RBFOX1: variants seen among roughly 807,000 people sequenced by gnomAD.
RBFOX1 encodes the protein RNA binding fox-1 homolog 1.
A neutral mutation model predicts 57.7 loss-of-function variants in RBFOX1; 8 were observed. That is an observed-to-expected ratio of 0.14 (90% confidence interval 0.08 to 0.25). The LOEUF is 0.25. Ranked by LOEUF, RBFOX1 falls within the 10% of genes least tolerant of loss-of-function variation. The pLI, the probability that RBFOX1 is intolerant of heterozygous loss-of-function variation, is 1.00. For synonymous variants in RBFOX1, 326 were observed against 222.4 expected (o/e 1.47, Z -4.15); for missense variants, 611 against 548.5 (o/e 1.11, Z -1.14).
At chr16:6,789,592 T>G (rs923201056) in intron 3 of RBFOX1, among the ~76,000 whole-genome samples, 2 of 152,184 alleles carry the variant, frequency 1.3e-5, no homozygotes, top group African/African-American at 4.8e-5. Context: ...TGGGGACTGT[T>G]TGACTCAGTG....
intron 2 of RBFOX1, among the ~76,000 whole-genome samples, chr16:6,579,372 T>G (rs564134077): frequency 1.3e-5 from 2 of 152,024 alleles, no homozygotes; most frequent in Non-Finnish European, 2.9e-5. Flanking sequence ...CCTGGTGATA[T>G]GGTTTGGCTT....
At chr16:5,870,348 A>G (rs993039526) in intron 4 of RBFOX1, among the ~76,000 whole-genome samples, 1 of 146,138 alleles carries the variant, frequency 6.8e-6, no homozygotes, top group Non-Finnish European at 1.5e-5. Flanking sequence ...AAACGTGTGC[A>G]TCTTACAGGT....
At chr16:5,246,752 C>A (rs990710104) in intron 1 of RBFOX1, among the ~76,000 whole-genome samples, 2 of 151,776 alleles carry the variant, frequency 1.3e-5, no homozygotes, top group East Asian at 3.9e-4. Flanking sequence ...CTGACTGCAG[C>A]CTTGGCCTCC....
At chr16:7,461,829 T>G (rs1259662383) in intron 4 of RBFOX1, among the ~76,000 whole-genome samples, 2 of 151,748 alleles carry the variant, frequency 1.3e-5, no homozygotes, top group Non-Finnish European at 2.9e-5. Context: ...TAGCGACTTC[T>G]GGGATGTGAG....
intron 3 of RBFOX1, among the ~76,000 whole-genome samples, chr16:6,919,189 G>A (rs1489251256): frequency 1.3e-5 from 2 of 151,952 alleles, no homozygotes; most frequent in Admixed American, 6.6e-5. Context: ...CACCATGTTG[G>A]CCAGGCTGGT....
chr16:7,702,464 G>A (rs535856796), intron 14 of RBFOX1, among the ~76,000 whole-genome samples: 1 of 152,164 alleles, frequency 6.6e-6, no homozygotes, highest in Non-Finnish European at 1.5e-5. Flanking sequence ...CTGTTTTGCT[G>A]CATTTTCATT....
intron 4 of RBFOX1, among the ~76,000 whole-genome samples, chr16:7,078,681 AT>A (rs201913091): frequency 0.01 from 1,489 of 143,434 alleles, 31 homozygotes; most frequent in African/African-American, 0.036. Flanking sequence ...TATTTTATTT[AT>A]TTTATTTTAT....
intron 3 of RBFOX1, among the ~76,000 whole-genome samples, chr16:6,838,040 C>A (rs938946394): frequency 1.3e-5 from 2 of 151,242 alleles, no homozygotes; most frequent in Non-Finnish European, 2.9e-5. Context: ...CTTTAAGTTC[C>A]GGGATGCATG....
At chr16:5,519,046 G>A (rs529847461) in intron 2 of RBFOX1, among the ~76,000 whole-genome samples, 54 of 152,296 alleles carry the variant, frequency 3.5e-4, no homozygotes, top group African/African-American at 1.2e-3. Context: ...AAGGAGAACT[G>A]TGTGGCACAG....
chr16:6,488,153 G>C (rs1384113411), intron 2 of RBFOX1, among the ~76,000 whole-genome samples: 1 of 152,122 alleles, frequency 6.6e-6, no homozygotes, highest in Non-Finnish European at 1.5e-5. Context: ...TATGAGGAAG[G>C]CCTCTGCCAG....
chr16:7,120,525 A>G (rs12928703), intron 4 of RBFOX1, among the ~76,000 whole-genome samples: 97,507 of 151,540 alleles, frequency 0.64, 31,709 homozygotes, highest in East Asian at 0.87. Context: ...CATGTAGTCA[A>G]CAACTTACAT....
intron 2 of RBFOX1, among the ~76,000 whole-genome samples, chr16:6,613,501 G>C (rs1567885875): frequency 6.6e-6 from 1 of 151,990 alleles, no homozygotes; most frequent in African/African-American, 2.4e-5. Context: ...ATATAGATTA[G>C]CATCACTTAC....
intron 4 of RBFOX1, among the ~76,000 whole-genome samples, chr16:7,488,036 C>T (rs527752486): frequency 2.0e-5 from 3 of 152,148 alleles, no homozygotes; most frequent in South Asian, 2.1e-4. Context: ...GGGGGCACCT[C>T]GGCGGAAGTA....
At chr16:5,992,113 A>T (rs2060410275) in intron 4 of RBFOX1, among the ~76,000 whole-genome samples, 1 of 152,184 alleles carries the variant, frequency 6.6e-6, no homozygotes, top group African/African-American at 2.4e-5. Flanking sequence ...GATCTTTGGG[A>T]ATTGAATTAG....
rs546145445 is a variant in RBFOX1, at chr16:7,050,017, A to G, written c.-15-2040A>G. 1.2e-3 allele frequency among the ~76,000 whole-genome samples: 183 copies of G among 152,264 alleles called. 2 individuals carry two copies. Among genetic ancestry groups the G allele is most frequent in the East Asian group, 1.5e-3 (8 of 5,180 alleles). On this transcript the variant is annotated intron_variant, in intron 3 of 15. Coordinates refer to ENST00000550418, the MANE Select transcript of RBFOX1 (RefSeq NM_018723.4). The stretch of plus-strand genomic sequence containing the variant: ...ATTAAGCAGTCACTCCTCCTTTTCC[A>G]TTAACCCAGTCCTCTGGCAACATTT...
chr16:6,933,416 A>T (rs1307968663), intron 3 of RBFOX1, among the ~76,000 whole-genome samples: 1 of 152,216 alleles, frequency 6.6e-6, no homozygotes, highest in Non-Finnish European at 1.5e-5. Context: ...AATTTTCAGA[A>T]ATAATGGCCA....
At chr16:5,977,723 C>G (rs1230160337) in intron 4 of RBFOX1, among the ~76,000 whole-genome samples, 2 of 152,032 alleles carry the variant, frequency 1.3e-5, no homozygotes, top group Non-Finnish European at 2.9e-5. Flanking sequence ...GAAGAGTGCT[C>G]CAATCCAAAG....
rs145719466 is a variant in RBFOX1 at position 6,660,521 on chromosome 16, C to G, written c.-16+5871C>G. Among the ~76,000 whole-genome samples, 1,079 of 152,288 alleles carry G rather than the reference C, an allele frequency of 7.1e-3. 2 individuals are homozygous for G. The highest frequency in any genetic ancestry group is 0.011 in the Admixed American group (168 of 15,292). ...CGATTTGAGCTCAGAGATTCTTACT[C>G]CAGAGTCTGTACATAGCCTTTGGAG... On this transcript the variant is annotated intron_variant, in intron 3 of 15. Transcript: ENST00000550418.
chr16:6,928,013 C>A (rs990004296), intron 3 of RBFOX1, among the ~76,000 whole-genome samples: 10 of 152,168 alleles, frequency 6.6e-5, no homozygotes, highest in African/African-American at 2.2e-4. Flanking sequence ...GGCTTCCACC[C>A]CCAGCACCCA....
Sources: allele counts gnomAD v4.1 joint callset (sites outside exome capture counted in the v4.1 genomes callset), GRCh38; gene constraint gnomAD v4.1.1; transcripts MANE v1.5; gene names NCBI Gene and HGNC (gene_info 2026-07-23, HGNC 2026-07-21).